The following ZNF624 variants were observed in gnomAD, a reference collection of about 807,000 sequenced individuals.
ZNF624 encodes zinc finger protein 624.
ZNF624 carries 43 observed loss-of-function variants against 74.7 expected under a neutral mutation model. The observed-to-expected ratio is 0.58, with a 90% CI of 0.45 to 0.74. The LOEUF (loss-of-function observed/expected upper bound fraction) is 0.74. ZNF624 is among the 30% of genes least tolerant of loss of function. ZNF624 has a pLI of 0.00. For missense variants in ZNF624, 820 were observed against 1,030.0 expected (o/e 0.80, Z 2.79); for synonymous variants, 331 against 341.3 (o/e 0.97, Z 0.33).
chr17:16,617,928 C>T, downstream of ZNF624: 4 of 1,250,848 alleles, frequency 3.2e-6, no homozygotes, highest in Non-Finnish European at 4.6e-6. Context: ...AACGGCGGAC[C>T]GCAAGCCAGT....
At chr17:16,636,167 T>TCC (rs1228737568) in intron 3 of ZNF624, among the ~76,000 whole-genome samples, 1 of 152,326 alleles carries the variant, frequency 6.6e-6, no homozygotes, top group East Asian at 1.9e-4. Context: ...TTCAAAAGCA[T>TCC]CTAATACAGT....
Position 16,634,830 on chromosome 17 carries a change from T to C in ZNF624, c.154-74A>G, listed in dbSNP as rs112305083. ...TTAGGCAGAATTATACATAAAAAACTGGGGAAGAGCCCCAGAAACCAGAAT... is the reference window on the plus strand; with the variant it reads ...TTAGGCAGAATTATACATAAAAAACCGGGGAAGAGCCCCAGAAACCAGAAT... On this transcript the variant is annotated intron_variant, in intron 3 of 5. Transcript: ENST00000311331. The C allele has an allele frequency of 6.8e-5, 98 of 1,438,702 alleles. No individual in the cohort carries two copies. In the African/African-American group the frequency reaches 1.2e-3, roughly 18 times the overall value. The allele number at this position is 1,438,702 out of a possible 1,614,324, so 89.1% of individuals were successfully genotyped here. A position where few individuals can be genotyped will look rare whatever the true frequency, so the allele number is the denominator to read the frequency against.
intron 2 of ZNF624, among the ~76,000 whole-genome samples, chr17:16,649,399 C>T (rs539248548): frequency 6.6e-6 from 1 of 152,234 alleles, no homozygotes; most frequent in East Asian, 1.9e-4. Context: ...AATTTAATAT[C>T]AAAATTAAAG....
intron 2 of ZNF624, among the ~76,000 whole-genome samples, chr17:16,648,337 T>C (rs1487634460): frequency 7.4e-6 from 1 of 135,404 alleles, no homozygotes; most frequent in East Asian, 2.2e-4. Context: ...AAAAAAATTA[T>C]GGATAATAAA....
intron 1 of ZNF624, among the ~76,000 whole-genome samples, chr17:16,651,377 C>T (rs1435910302): frequency 1.4e-5 from 2 of 147,328 alleles, no homozygotes; most frequent in Admixed American, 6.9e-5. Context: ...TTGCAGTGAG[C>T]AGAGATTGTG....
chr17:16,639,776 C>A (rs1909423723), intron 3 of ZNF624, among the ~76,000 whole-genome samples: 1 of 152,156 alleles, frequency 6.6e-6, no homozygotes, highest in Non-Finnish European at 1.5e-5. Context: ...AGTTTCTAAA[C>A]AAAGCAACAG....
chr17:16,650,094 T>A (rs1909685900), intron 1 of ZNF624, among the ~76,000 whole-genome samples: 2 of 152,042 alleles, frequency 1.3e-5, no homozygotes, highest in African/African-American at 4.8e-5. Flanking sequence ...TGACCCCAAA[T>A]CAATCTAATT....
At chr17:16,635,448 A>G (rs888658337) in intron 3 of ZNF624, among the ~76,000 whole-genome samples, 1 of 152,018 alleles carries the variant, frequency 6.6e-6, no homozygotes, top group Non-Finnish European at 1.5e-5. Context: ...TGACTTTTGA[A>G]CCATGTAAAT....
At chr17:16,629,019 G>A (rs1372312684) in intron 5 of ZNF624, among the ~76,000 whole-genome samples, 20 of 151,686 alleles carry the variant, frequency 1.3e-4, no homozygotes, top group Admixed American at 1.1e-3. Flanking sequence ...CCAATGTGGC[G>A]AGACCCCATC....
intron 5 of ZNF624, chr17:16,624,853 C>CAAAAAAAAAAAAAAAAAAA (rs59170659): frequency 6.8e-5 from 3 of 43,952 alleles, no homozygotes; most frequent in African/African-American, 1.1e-4. Context: ...CCTGTCTCTA[C>CAAAAAAAAAAAAAAAAAAA]AAAAAAAAAA....
rs8065506 is a variant in ZNF624, at chr17:16,624,481, C to A, written c.405G>T (p.Lys135Asn). The A allele has an allele frequency of 0.32, 498,680 of 1,577,504 alleles. 86,852 individuals carry two copies. Among genetic ancestry groups the A allele is most frequent in the African/African-American group, 0.65 (47,354 of 72,898 alleles). Residue 135 changes from lysine (K) to asparagine (N), a missense_variant, in exon 6 of 6, where the codon AAG (lysine) becomes AAT (asparagine). By Grantham distance (94) the Lys-to-Asn change is moderately conservative. Transcript: ENST00000311331. ...PDMEPKPATK[K>N]ATRTKAISED... ...CAGAAATAGCCTTTGTTCGTGTAGC[C>A]TTCTTGGTTGCAGGTTTGGGCTCCA... is the stretch of plus-strand genomic sequence containing the variant.
At chr17:16,627,735 A>G (rs1909105894) in intron 5 of ZNF624, among the ~76,000 whole-genome samples, 1 of 152,252 alleles carries the variant, frequency 6.6e-6, no homozygotes, top group Non-Finnish European at 1.5e-5. Flanking sequence ...GATAAGCCCT[A>G]CAAATAGAAC....
In ZNF624 at chr17:16,641,503, C is replaced by T. The variant is rs146385352; in HGVS notation, c.153+5826G>A. Among the ~76,000 whole-genome samples the T allele has an allele frequency of 7.7e-3, 1,174 of 152,250 alleles. 10 individuals are homozygous for T. The highest frequency in any genetic ancestry group is 0.025 in the African/African-American group (1,024 of 41,554). On this transcript the variant is annotated intron_variant, in intron 3 of 5. Transcript: ENST00000311331. Reference sequence around the variant, plus strand: ...TTCACCATGTTGGCCAGGCTAGTCTCGAACTCCTGGCCTCAAGTGATCCAC... The same window carrying T: ...TTCACCATGTTGGCCAGGCTAGTCTTGAACTCCTGGCCTCAAGTGATCCAC...
chr17:16,635,892 A>C (rs926289811), intron 3 of ZNF624, among the ~76,000 whole-genome samples: 9 of 151,986 alleles, frequency 5.9e-5, no homozygotes, highest in Non-Finnish European at 8.8e-5. Context: ...AAAAAAAAAA[A>C]AACACATTTC....
chr17:16,623,792 C>A lies in ZNF624; in HGVS notation c.1094G>T (p.Cys365Phe). The A allele has an allele frequency of 1.2e-6, 2 of 1,614,030 alleles. No individual in the cohort carries two copies. Among genetic ancestry groups the A allele is most frequent in the Non-Finnish European group, 1.7e-6 (2 of 1,180,004 alleles). Residue 365 changes from cysteine to phenylalanine, a missense_variant, in exon 6 of 6, where the codon TGT becomes TTT. Transcript: ENST00000311331. This position sits in a 1 kb window ranked among gnomAD's most constrained non-coding sequence, Gnocchi z 5.3. ...GGCACACTGGCTAAAAGATTTCCCA[C>A]ACACATTACACTGATAAGGTTTCTC... The part of the protein sequence containing the change: ...TKEKPYQCNV[C>F]GKSFSQCARL...
downstream of ZNF624, among the ~76,000 whole-genome samples, chr17:16,619,978 C>T (rs183703904): frequency 6.6e-6 from 1 of 152,316 alleles, no homozygotes; most frequent in East Asian, 1.9e-4. Flanking sequence ...GAGGATTGGT[C>T]TCTTAGTAAT....
At chr17:16,631,848 AT>A (rs1909215151) in intron 5 of ZNF624, 1 of 152,238 alleles carries the variant, frequency 6.6e-6, no homozygotes, top group Non-Finnish European at 1.5e-5. Context: ...CCATACAAAC[AT>A]TTAAATGATA....
At chr17:16,633,322 C>T (rs905718668) in intron 5 of ZNF624, among the ~76,000 whole-genome samples, 2 of 152,150 alleles carry the variant, frequency 1.3e-5, no homozygotes, top group East Asian at 3.8e-4. Context: ...TACATCAATA[C>T]TATATTTTGA....
chr17:16,640,833 G>C (rs1454041763), intron 3 of ZNF624, among the ~76,000 whole-genome samples: 4 of 152,062 alleles, frequency 2.6e-5, no homozygotes, highest in African/African-American at 9.7e-5. Context: ...TCCAAAAAAT[G>C]GAAGGGAAAA....
Sources: gnomAD v4.1 joint callset for allele counts (sites outside exome capture counted in the v4.1 genomes callset) on GRCh38, gnomAD v4.1.1 for gene constraint, Gnocchi (gnomAD v3.1) non-coding constraint, MANE v1.5 for transcripts, NCBI Gene and HGNC (gene_info 2026-07-23, HGNC 2026-07-21) for gene names.